The following ZMAT4 variants were observed in gnomAD, a reference collection of about 807,000 sequenced individuals.
ZMAT4 encodes the protein zinc finger matrin-type protein 4.
A neutral mutation model predicts 28.7 loss-of-function variants in ZMAT4; 17 were observed. The ratio of observed to expected loss-of-function variants is 0.59; its 90% CI spans 0.41 to 0.89. The LOEUF (loss-of-function observed/expected upper bound fraction) is 0.89, where lower values mean the gene tolerates loss of function less well. Among genes scored for constraint, ZMAT4 ranks in the 40% least tolerant of loss-of-function variants. The pLI, the probability that ZMAT4 is intolerant of heterozygous loss-of-function variation, is 0.00. For missense variants in ZMAT4, 240 were observed against 283.8 expected (o/e 0.85, Z 1.11); for synonymous variants, 117 against 109.2 (o/e 1.07, Z -0.44).
intron 5 of ZMAT4, among the ~76,000 whole-genome samples, chr8:40,668,003 T>C (rs534605371): frequency 3.0e-4 from 45 of 152,252 alleles, no homozygotes; most frequent in African/African-American, 1.1e-3. Flanking sequence ...AGGAAAGGCA[T>C]ACCTAATATG....
chr8:40,541,826 A>T (rs1803040077), intron 6 of ZMAT4, among the ~76,000 whole-genome samples: 1 of 152,230 alleles, frequency 6.6e-6, no homozygotes, highest in South Asian at 2.1e-4. Context: ...TGCAGGGAGC[A>T]GGGGAAGGGA....
chr8:40,722,422 T>C (rs538772779), intron 3 of ZMAT4, among the ~76,000 whole-genome samples: 8 of 152,304 alleles, frequency 5.3e-5, no homozygotes, highest in African/African-American at 1.9e-4. Flanking sequence ...GAATTTGTAT[T>C]TATAACCAGA....
chr8:40,573,943 A>G (rs1248209489), intron 6 of ZMAT4, among the ~76,000 whole-genome samples: 2 of 152,210 alleles, frequency 1.3e-5, no homozygotes, highest in Non-Finnish European at 2.9e-5. Context: ...CACACAGTTT[A>G]ATAATCTTTT....
intron 1 of ZMAT4, among the ~76,000 whole-genome samples, chr8:40,852,893 G>T (rs986128518): frequency 5.3e-5 from 8 of 152,084 alleles, no homozygotes; most frequent in African/African-American, 1.9e-4. Context: ...CATCATGATG[G>T]AATTTTCCAA....
chr8:40,572,598 A>G (rs1399423874), intron 6 of ZMAT4, among the ~76,000 whole-genome samples: 1 of 152,154 alleles, frequency 6.6e-6, no homozygotes, highest in Non-Finnish European at 1.5e-5. Context: ...TCATTAATCT[A>G]TGGTACATAC....
chr8:40,625,162 A>G (rs1463241436), intron 5 of ZMAT4, among the ~76,000 whole-genome samples: 2 of 152,258 alleles, frequency 1.3e-5, no homozygotes, highest in South Asian at 2.1e-4. Flanking sequence ...CTGAAAGAGA[A>G]CAGCTTGATG....
At chr8:40,801,351 A>AATATATATATATATGTAT (rs1814830278) in intron 2 of ZMAT4, among the ~76,000 whole-genome samples, 1 of 97,258 alleles carries the variant, frequency 1.0e-5, no homozygotes, top group Non-Finnish European at 2.2e-5. Flanking sequence ...TAAAAAAAAA[A>AATATATATATATATGTAT]ATATATATAT....
intron 5 of ZMAT4, among the ~76,000 whole-genome samples, chr8:40,612,135 T>C (rs1805823517): frequency 1.3e-5 from 2 of 152,218 alleles, no homozygotes; most frequent in African/African-American, 4.8e-5. Flanking sequence ...CACAGAGTTA[T>C]ACAGGATCAA....
At chr8:40,617,096 G>A (rs143034629) in intron 5 of ZMAT4, among the ~76,000 whole-genome samples, 1,699 of 152,184 alleles carry the variant, frequency 0.011, 16 homozygotes, top group African/African-American at 0.021. Context: ...ATGTGATATC[G>A]TGACATGGTG....
In ZMAT4 at chr8:40,613,180, C is replaced by CTTT. The variant is rs34687121; in HGVS notation, c.578-31922_578-31920dup. 1.4e-3 allele frequency among the ~76,000 whole-genome samples: 109 copies of CTTT among 79,984 alleles called. 1 individual carries two copies. The highest frequency in any genetic ancestry group is 0.013 in the Middle Eastern group (1 of 80). 52.5% of individuals were successfully genotyped at this position (79,984 alleles called of 152,430 possible). A position where few individuals can be genotyped will look rare whatever the true frequency, so the allele number is the denominator to read the frequency against. ...TCTTTCTTTCTTTCTTACTTTCTTT[C>CTTT]TTTTTTTTTTTTTTTTTTTTGAGAT... On this transcript the variant is annotated intron_variant, in intron 5 of 6. Coordinates refer to ENST00000297737, the MANE Select transcript of ZMAT4 (RefSeq NM_024645.3).
At chr8:40,647,546 G>A (rs1197876060) in intron 5 of ZMAT4, among the ~76,000 whole-genome samples, 4 of 152,166 alleles carry the variant, frequency 2.6e-5, no homozygotes, top group South Asian at 2.1e-4. Flanking sequence ...CAAAGCAGCT[G>A]GGAAGCTCGA....
At chr8:40,579,419 C>T (rs546155593) in intron 6 of ZMAT4, among the ~76,000 whole-genome samples, 1 of 152,234 alleles carries the variant, frequency 6.6e-6, no homozygotes, top group Admixed American at 6.5e-5. Flanking sequence ...GGGGGATGAG[C>T]AGTATCCGAT....
At chr8:40,599,481 A>G (rs901375721) in intron 5 of ZMAT4, among the ~76,000 whole-genome samples, 2 of 152,176 alleles carry the variant, frequency 1.3e-5, no homozygotes, top group African/African-American at 4.8e-5. Flanking sequence ...CCCAGATAAA[A>G]TTGGAAAACT....
intron 1 of ZMAT4, among the ~76,000 whole-genome samples, chr8:40,856,147 C>T (rs1361232575): frequency 6.6e-6 from 1 of 152,180 alleles, no homozygotes; most frequent in Non-Finnish European, 1.5e-5. Flanking sequence ...AATCATGCGG[C>T]TACTGATCTC....
intron 1 of ZMAT4, among the ~76,000 whole-genome samples, chr8:40,878,266 C>G (rs1275032185): frequency 6.6e-6 from 1 of 152,140 alleles, no homozygotes; most frequent in African/African-American, 2.4e-5. Context: ...ACCTGTCCCC[C>G]CAGTCCTCAC....
At chr8:40,767,791 C>A (rs1208882932) in intron 2 of ZMAT4, 61 bp from the exon 3 acceptor site, 35 of 1,388,092 alleles carry the variant, frequency 2.5e-5, no homozygotes, top group Non-Finnish European at 9.9e-6. Context: ...CCCTTTGAAA[C>A]CTAGCCAGTG....
In ZMAT4 at chr8:40,879,379, C is replaced by T. The variant is rs181955730; in HGVS notation, c.-5+18304G>A. On this transcript the variant is annotated intron_variant, in intron 1 of 6. Coordinates refer to ENST00000297737, the MANE Select transcript of ZMAT4 (RefSeq NM_024645.3). ...TCCAGTCTGCAGTGAGCTGTGATCA[C>T]ACCACTGCACTCCAGCCTGGGCAAC... is the stretch of plus-strand genomic sequence containing the variant. Among the ~76,000 whole-genome samples the T allele has an allele frequency of 3.4e-3, 514 of 152,334 alleles. 1 individual carries two copies. The highest frequency in any genetic ancestry group is 0.012 in the African/African-American group (487 of 41,570).
chr8:40,575,102 C>T (rs1804218053), intron 6 of ZMAT4, among the ~76,000 whole-genome samples: 1 of 152,160 alleles, frequency 6.6e-6, no homozygotes, highest in Non-Finnish European at 1.5e-5. Context: ...ACCCTGGCTG[C>T]TCAAGGCTGA....
intron 2 of ZMAT4, among the ~76,000 whole-genome samples, chr8:40,797,925 G>A (rs762809416): frequency 2.0e-4 from 31 of 152,196 alleles, no homozygotes; most frequent in South Asian, 4.1e-4. Context: ...GAGTGAGCCA[G>A]GCAATTAAGC....
Sources: allele counts gnomAD v4.1 joint callset (sites outside exome capture counted in the v4.1 genomes callset), GRCh38; gene constraint gnomAD v4.1.1; transcripts MANE v1.5; gene names NCBI Gene and HGNC (gene_info 2026-07-23, HGNC 2026-07-21).